The following CREB5 variants were observed in gnomAD, a reference collection of about 807,000 sequenced individuals.
CREB5 encodes the protein cAMP responsive element binding protein 5.
In CREB5, 19 loss-of-function variants were observed where a neutral mutation model predicts 57.1. The observed-to-expected ratio is 0.33, with a 90% CI of 0.23 to 0.49. The LOEUF is 0.49. Among genes scored for constraint, CREB5 ranks in the 20% least tolerant of loss-of-function variants. The pLI, the probability that CREB5 is intolerant of heterozygous loss-of-function variation, is 0.99. For synonymous variants in CREB5, 238 were observed against 238.3 expected, an observed-to-expected ratio of 1.00 and a Z score of 0.01; for missense variants, 579 against 671.6, an observed-to-expected ratio of 0.86 and a Z score of 1.52.
chr7:28,739,749 A>G lies in CREB5; in HGVS notation c.702+15417A>G, dbSNP rs554794083. ...TTCATTCTTCCTGAAGTTGTTGTTT[A>G]TGACTTGGGTCTTGATGAGCTGTAA... On this transcript the variant is annotated intron_variant, in intron 7 of 10. Transcript: ENST00000357727. 2.6e-5 allele frequency among the ~76,000 whole-genome samples: 4 copies of G among 152,300 alleles called. No individual in the cohort carries two copies. In the South Asian group the frequency reaches 8.3e-4, roughly 32 times the overall value.
intron 5 of CREB5, among the ~76,000 whole-genome samples, chr7:28,602,236 C>T (rs1296785441): frequency 2.0e-5 from 3 of 152,122 alleles, no homozygotes; most frequent in African/African-American, 7.2e-5. Flanking sequence ...AAGTGATTCT[C>T]CTGCCTCAGC....
intron 7 of CREB5, among the ~76,000 whole-genome samples, chr7:28,803,980 G>A (rs1295439390): frequency 6.6e-6 from 1 of 152,010 alleles, no homozygotes; most frequent in East Asian, 1.9e-4. Context: ...TAACCTATTT[G>A]GCTGACATTG....
At chr7:28,669,330 T>C (rs897330686) in intron 5 of CREB5, among the ~76,000 whole-genome samples, 4 of 152,220 alleles carry the variant, frequency 2.6e-5, no homozygotes, top group Admixed American at 2.6e-4. Context: ...TTGTTAGCAA[T>C]TGAGAGCTTG....
chr7:28,717,432 T>C (rs987010317), intron 5 of CREB5, among the ~76,000 whole-genome samples: 2 of 152,308 alleles, frequency 1.3e-5, no homozygotes, highest in Admixed American at 6.5e-5. Flanking sequence ...AGTGGAAAAC[T>C]TTATCTTCTT....
chr7:28,733,556 C>T (rs1226364722), intron 7 of CREB5, among the ~76,000 whole-genome samples: 2 of 152,196 alleles, frequency 1.3e-5, no homozygotes, highest in African/African-American at 4.8e-5. Flanking sequence ...CTCAAATGTA[C>T]CTTTCCTGTG....
At chr7:28,446,617 C>A (rs1340501370) in intron 1 of CREB5, among the ~76,000 whole-genome samples, 3 of 152,104 alleles carry the variant, frequency 2.0e-5, no homozygotes, top group Non-Finnish European at 4.4e-5. Flanking sequence ...ACGGTGAAAT[C>A]CCATCTCCAC....
At chr7:28,686,223 T>A in intron 5 of CREB5, 1 of 1,583,038 alleles carries the variant, frequency 6.3e-7, no homozygotes, top group African/African-American at 1.3e-5. Flanking sequence ...TATTTTCTTT[T>A]CTCCTGATTT....
intron 5 of CREB5, among the ~76,000 whole-genome samples, chr7:28,660,789 C>T (rs984944545): frequency 3.3e-5 from 5 of 152,062 alleles, no homozygotes; most frequent in Admixed American, 1.3e-4. Context: ...CCTCACAACT[C>T]ATTCTGGGAA....
intron 5 of CREB5, among the ~76,000 whole-genome samples, chr7:28,666,856 C>T (rs2128716778): frequency 6.6e-6 from 1 of 151,396 alleles, no homozygotes; most frequent in African/African-American, 2.4e-5. Flanking sequence ...CAATTGAGCT[C>T]ACTTGAGTTC....
chr7:28,318,795 A>G (rs984919844), intron 1 of CREB5, among the ~76,000 whole-genome samples: 6 of 152,236 alleles, frequency 3.9e-5, no homozygotes, highest in Admixed American at 3.9e-4. Flanking sequence ...CTATGCTGCT[A>G]CATTGAAGAG....
rs2128812760 is a variant in CREB5 at position 28,825,278 on chromosome 7, CTTCT to C, written c.*6000_*6003del. The C allele has an allele frequency of 6.6e-6, 1 of 152,440 alleles. No individual in the cohort carries two copies. The highest frequency in any genetic ancestry group is 2.4e-5 in the African/African-American group (1 of 41,538). The allele number at this position is 152,440 out of a possible 1,614,324, so 9.4% of individuals were successfully genotyped here. A position where few individuals can be genotyped will look rare whatever the true frequency, so the allele number is the denominator to read the frequency against. ...AAATACAACCTACTCACCTTTTTCC[CTTCT>C]AAGTTCTGCTAAATCACATCTGCCT... On this transcript the variant is annotated 3_prime_UTR_variant, in exon 11 of 11. Transcript: ENST00000357727.
At chr7:28,563,814 T>C (rs1795372606) in intron 4 of CREB5, among the ~76,000 whole-genome samples, 1 of 27,698 alleles carries the variant, frequency 3.6e-5, no homozygotes, top group Non-Finnish European at 5.5e-5. Flanking sequence ...CTTGTGTGTG[T>C]TTCTTACCTG....
At chr7:28,466,717 C>T (rs1286718307) in intron 1 of CREB5, among the ~76,000 whole-genome samples, 1 of 152,164 alleles carries the variant, frequency 6.6e-6, no homozygotes, top group Non-Finnish European at 1.5e-5. Context: ...CGGAAGGGCG[C>T]TTAGACGACA....
intron 7 of CREB5, among the ~76,000 whole-genome samples, chr7:28,735,537 T>C (rs529022707): frequency 6.6e-6 from 1 of 152,308 alleles, no homozygotes; most frequent in Admixed American, 6.5e-5. Flanking sequence ...CTGACTCCAT[T>C]CTCAAGCAAG....
At chr7:28,772,450 C>G (rs1170033515) in intron 7 of CREB5, among the ~76,000 whole-genome samples, 1 of 152,138 alleles carries the variant, frequency 6.6e-6, no homozygotes, top group African/African-American at 2.4e-5. Flanking sequence ...AGCCTCGCCA[C>G]TGTTTGTTTT....
intron 4 of CREB5, among the ~76,000 whole-genome samples, chr7:28,560,898 G>GTGTGTA (rs1554344447): frequency 3.4e-5 from 1 of 29,378 alleles, no homozygotes; most frequent in East Asian, 2.8e-3. Flanking sequence ...GTGTGTGTGC[G>GTGTGTA]TGCGCGCGTG....
intron 1 of CREB5, among the ~76,000 whole-genome samples, chr7:28,406,348 G>T (rs944311462): frequency 1.3e-5 from 2 of 152,162 alleles, no homozygotes; most frequent in African/African-American, 2.4e-5. Context: ...GTCTCCCAGG[G>T]GTCTCATCTA....
rs181835235 is a variant in CREB5 at position 28,614,643 on chromosome 7, T to G, written c.464+44106T>G. ...TTTCCTAGCTTCCAGCTTTTTGATT[T>G]AATTTAATTTTTAAGAATTTAGAAA... On this transcript the variant is annotated intron_variant, in intron 5 of 10. Transcript: ENST00000357727. 3.9e-5 allele frequency among the ~76,000 whole-genome samples: 6 copies of G among 152,306 alleles called. No individual in the cohort carries two copies. The East Asian group carries it at 1.2e-3, about 29-fold the overall frequency.
intron 4 of CREB5, among the ~76,000 whole-genome samples, chr7:28,563,751 C>T (rs1456015860): frequency 2.0e-5 from 3 of 152,112 alleles, no homozygotes; most frequent in Non-Finnish European, 4.4e-5. Flanking sequence ...TTTTCATAGC[C>T]CCCCTGTGCT....
Sources: allele counts gnomAD v4.1 joint callset (sites outside exome capture counted in the v4.1 genomes callset), GRCh38; gene constraint gnomAD v4.1.1; transcripts MANE v1.5; gene names NCBI Gene and HGNC (gene_info 2026-07-23, HGNC 2026-07-21).